VAT1L: variants seen among roughly 807,000 people sequenced by gnomAD.
The protein encoded by VAT1L is putative NADPH-dependent quinone oxidoreductase VAT1L.
In VAT1L, 34 loss-of-function variants were observed where a neutral mutation model predicts 44.1. That is an observed-to-expected ratio of 0.77 (90% confidence interval 0.59 to 1.03). The LOEUF (loss-of-function observed/expected upper bound fraction) is 1.03. VAT1L is among the 50% of genes least tolerant of loss of function. The pLI is 0.00. For synonymous variants in VAT1L, 253 were observed against 202.2 expected (o/e 1.25, Z -2.13); for missense variants, 615 against 538.8 (o/e 1.14, Z -1.40).
In VAT1L at chr16:77,862,995, T is replaced by C. The variant is rs1432524425; in HGVS notation, c.722+105T>C. On this transcript the variant is annotated intron_variant, in intron 4 of 8. Coordinates refer to ENST00000302536, the MANE Select transcript of VAT1L (RefSeq NM_020927.3). ...GGATAATAATAATATGTAGCAAACA[T>C]ATATTGGGGGCTTAGTATTATTAGC... 7.2e-6 allele frequency: 10 copies of C among 1,392,670 alleles called. No homozygotes were observed. The East Asian group carries it at 1.9e-4, about 26-fold the overall frequency. 86.3% of individuals were successfully genotyped at this position (1,392,670 alleles called of 1,614,324 possible).
chr16:77,950,355 G>A (rs572004473), intron 7 of VAT1L, among the ~76,000 whole-genome samples: 2 of 150,188 alleles, frequency 1.3e-5, no homozygotes, highest in South Asian at 4.2e-4. Flanking sequence ...GTTGCAGTGA[G>A]CTGAGAGCAT....
intron 3 of VAT1L, among the ~76,000 whole-genome samples, chr16:77,832,290 T>C (rs1044091855): frequency 6.6e-6 from 1 of 151,792 alleles, no homozygotes; most frequent in African/African-American, 2.4e-5. Flanking sequence ...AAACACGGAG[T>C]GACAGACTAT....
At chr16:77,917,284 G>A (rs936335275) in intron 7 of VAT1L, among the ~76,000 whole-genome samples, 1 of 152,138 alleles carries the variant, frequency 6.6e-6, no homozygotes, top group Non-Finnish European at 1.5e-5. Flanking sequence ...GAAAAAGGAA[G>A]GGGCAAGCCA....
intron 7 of VAT1L, among the ~76,000 whole-genome samples, chr16:77,945,954 A>G (rs2017956834): frequency 6.6e-6 from 1 of 152,012 alleles, no homozygotes; most frequent in African/African-American, 2.4e-5. Context: ...GGCGCATGCC[A>G]CCACGCCCAC....
intron 7 of VAT1L, among the ~76,000 whole-genome samples, chr16:77,951,676 A>G (rs1323303968): frequency 1.3e-5 from 2 of 152,182 alleles, no homozygotes; most frequent in South Asian, 2.1e-4. Flanking sequence ...CGATTACTCT[A>G]AAAGTCAGGA....
intron 5 of VAT1L, among the ~76,000 whole-genome samples, chr16:77,878,907 A>G (rs1024984198): frequency 6.6e-6 from 1 of 152,178 alleles, no homozygotes; most frequent in African/African-American, 2.4e-5. Flanking sequence ...GGCCTACATC[A>G]TATTTTTGCT....
intron 1 of VAT1L, among the ~76,000 whole-genome samples, chr16:77,799,504 G>GGT (rs10525414): frequency 0.017 from 2,325 of 140,886 alleles, 30 homozygotes; most frequent in African/African-American, 0.038. Flanking sequence ...TGGAATACAT[G>GGT]GTGTGTGTGT....
chr16:77,884,039 A>G lies in VAT1L; in HGVS notation c.883-569A>G, dbSNP rs2017182498. Among the ~76,000 whole-genome samples the G allele has an allele frequency of 6.6e-6, 1 of 152,088 alleles. No individual in the cohort carries two copies. The highest frequency in any genetic ancestry group is 1.5e-5 in the Non-Finnish European group (1 of 68,006). On this transcript the variant is annotated intron_variant, in intron 6 of 8. Coordinates refer to ENST00000302536, the MANE Select transcript of VAT1L (RefSeq NM_020927.3). This position sits in a 1 kb window ranked among gnomAD's most constrained non-coding sequence, Gnocchi z 4.5. ...GCTGATGATCCTGACCATGTACTTAATATTTCAACTACATGTGGCCATGTA... is the reference window on the plus strand; with the variant it reads ...GCTGATGATCCTGACCATGTACTTAGTATTTCAACTACATGTGGCCATGTA...
At chr16:77,857,906 A>G (rs1005192604) in intron 3 of VAT1L, among the ~76,000 whole-genome samples, 1 of 151,764 alleles carries the variant, frequency 6.6e-6, no homozygotes, top group Non-Finnish European at 1.5e-5. Flanking sequence ...CTTCAGTCAG[A>G]ACCTGCATAG....
intron 1 of VAT1L, among the ~76,000 whole-genome samples, chr16:77,802,505 C>G (rs1209331385): frequency 6.6e-6 from 1 of 151,966 alleles, no homozygotes; most frequent in Non-Finnish European, 1.5e-5. Context: ...ATCCCAGCTA[C>G]TCGGGAGGCT....
At chr16:77,899,558 C>T (rs1430761039) in intron 7 of VAT1L, among the ~76,000 whole-genome samples, 1 of 152,226 alleles carries the variant, frequency 6.6e-6, no homozygotes, top group African/African-American at 2.4e-5. Flanking sequence ...GTGCTTGATA[C>T]AACTTGAGCT....
At chr16:77,889,373 C>T (rs762167110) in intron 7 of VAT1L, among the ~76,000 whole-genome samples, 2 of 152,050 alleles carry the variant, frequency 1.3e-5, no homozygotes, top group African/African-American at 2.4e-5. Flanking sequence ...TGCAGCTGTA[C>T]GTTAAGTTGG....
intron 7 of VAT1L, among the ~76,000 whole-genome samples, chr16:77,919,570 C>T (rs2017588901): frequency 6.6e-6 from 1 of 152,074 alleles, no homozygotes; most frequent in African/African-American, 2.4e-5. Flanking sequence ...TTCTCAGATC[C>T]CATTTTTTCA....
At position 77,903,941 on chromosome 16, in the gene VAT1L, T is replaced by A. The variant is rs985543605; in HGVS notation, c.1077+19139T>A. On this transcript the variant is annotated intron_variant, in intron 7 of 8. Coordinates refer to ENST00000302536, the MANE Select transcript of VAT1L (RefSeq NM_020927.3). Reference sequence around the variant, plus strand: ...TTAGTAAAGACAGGGTTTCACCATGTTAGCAAGGATGGTCTCGATCTCATG... The same window carrying A: ...TTAGTAAAGACAGGGTTTCACCATGATAGCAAGGATGGTCTCGATCTCATG... Among the ~76,000 whole-genome samples the A allele has an allele frequency of 4.6e-5, 7 of 152,002 alleles. No homozygotes were observed. In the East Asian group the frequency reaches 1.4e-3, roughly 30 times the overall value.
chr16:77,893,773 C>T (rs1010321408), intron 7 of VAT1L, among the ~76,000 whole-genome samples: 1 of 152,056 alleles, frequency 6.6e-6, no homozygotes, highest in African/African-American at 2.4e-5. Context: ...GCCCATAGTC[C>T]CTGCTTACCA....
intron 7 of VAT1L, among the ~76,000 whole-genome samples, chr16:77,964,962 G>A (rs999811391): frequency 1.3e-5 from 2 of 151,706 alleles, no homozygotes; most frequent in Non-Finnish European, 2.9e-5. Context: ...GGCTAATTTT[G>A]TATTTTTAGT....
chr16:77,881,524 T>G (rs1597081061), intron 6 of VAT1L, among the ~76,000 whole-genome samples: 1 of 152,198 alleles, frequency 6.6e-6, no homozygotes, highest in South Asian at 2.1e-4. Context: ...AAAAGTATGG[T>G]AAGGAGTTTG....
At chr16:77,968,178 C>A (rs1319188799) in intron 7 of VAT1L, among the ~76,000 whole-genome samples, 2 of 152,106 alleles carry the variant, frequency 1.3e-5, no homozygotes, top group African/African-American at 4.8e-5. Context: ...CTGGGCACAG[C>A]TTAGTTGGTC....
At chr16:77,908,222 G>C (rs2017459070) in intron 7 of VAT1L, among the ~76,000 whole-genome samples, 1 of 148,284 alleles carries the variant, frequency 6.7e-6, no homozygotes, top group African/African-American at 2.5e-5. Flanking sequence ...CTGGGTGACA[G>C]AGTGAGACTC....
Sources: allele counts gnomAD v4.1 joint callset (sites outside exome capture counted in the v4.1 genomes callset), GRCh38; gene constraint gnomAD v4.1.1; non-coding constraint Gnocchi (gnomAD v3.1); transcripts MANE v1.5; gene names NCBI Gene and HGNC (gene_info 2026-07-23, HGNC 2026-07-21).